The following CERS6 variants were observed in gnomAD, a reference collection of about 807,000 sequenced individuals.
CERS6 encodes ceramide synthase 6.
A neutral mutation model predicts 56.8 loss-of-function variants in CERS6; 26 were observed. The ratio of observed to expected loss-of-function variants is 0.46; its 90% confidence interval spans 0.34 to 0.63. The LOEUF (loss-of-function observed/expected upper bound fraction) is 0.63. CERS6 is among the 30% of genes least tolerant of loss of function. CERS6 has a pLI of 0.01. For missense variants in CERS6, 415 were observed against 467.5 expected (o/e 0.89, Z 1.04); for synonymous variants, 164 against 173.3 (o/e 0.95, Z 0.42).
At chr2:168,717,689 C>T (rs895014196) in intron 7 of CERS6, among the ~76,000 whole-genome samples, 183 bp from the exon 8 acceptor site, 11 of 152,116 alleles carry the variant, frequency 7.2e-5, no homozygotes, top group African/African-American at 1.4e-4. Context: ...ACTCAACTTA[C>T]GGGTAATTTA....
Position 168,456,338 on chromosome 2 carries a change from G to A in CERS6, c.-111G>A. 25 of 597,456 alleles carry A rather than the reference G, an allele frequency of 4.2e-5. No homozygotes were observed. The highest frequency in any genetic ancestry group is 7.4e-5 in the South Asian group (1 of 13,568). 37.0% of individuals were successfully genotyped at this position (597,456 alleles called of 1,614,324 possible). On this transcript the variant is annotated 5_prime_UTR_variant, in exon 1 of 10. Transcript: ENST00000305747. The surrounding 1 kb of genome is among the most constrained non-coding windows in gnomAD (Gnocchi z 4.1). ...GGCGGCGGCGGCGGGCGGGAGCAGC[G>A]GCGGCGGCGGCACAGGCTCGGGGCC...
At chr2:168,644,337 G>A in intron 4 of CERS6, 2 of 985,182 alleles carry the variant, frequency 2.0e-6, no homozygotes, top group South Asian at 9.4e-5. Flanking sequence ...TCTGGAATGT[G>A]GGAAGAGTTG....
chr2:168,708,781 A>C (rs1474232717), intron 6 of CERS6, among the ~76,000 whole-genome samples: 1 of 152,112 alleles, frequency 6.6e-6, no homozygotes, highest in East Asian at 1.9e-4. Flanking sequence ...TGCTCTTCTA[A>C]ATTCCCTTTA....
At chr2:168,766,085 G>A (rs1684723060) in intron 9 of CERS6, among the ~76,000 whole-genome samples, 1 of 152,104 alleles carries the variant, frequency 6.6e-6, no homozygotes, top group African/African-American at 2.4e-5. Flanking sequence ...GAGAAGGGTC[G>A]CTTGGTGCTG....
At chr2:168,688,534 T>C (rs1040310047) in intron 4 of CERS6, among the ~76,000 whole-genome samples, 15 of 152,160 alleles carry the variant, frequency 9.9e-5, no homozygotes, top group African/African-American at 3.1e-4. Context: ...TTCTTATCTA[T>C]AAATTGGGAA....
chr2:168,484,201 G>A (rs1449012857), intron 1 of CERS6, among the ~76,000 whole-genome samples: 1 of 65,502 alleles, frequency 1.5e-5, no homozygotes, highest in African/African-American at 5.8e-5. Flanking sequence ...TTTTTTTTGA[G>A]ACGGAGCTTC....
intron 2 of CERS6, among the ~76,000 whole-genome samples, chr2:168,553,290 A>C (rs1454382536): frequency 6.6e-6 from 1 of 152,208 alleles, no homozygotes; most frequent in African/African-American, 2.4e-5. Context: ...AAAATAAAAC[A>C]ATGAATTAAA....
intron 4 of CERS6, among the ~76,000 whole-genome samples, chr2:168,653,896 G>A (rs1685405169): frequency 6.6e-6 from 1 of 152,052 alleles, no homozygotes; most frequent in South Asian, 2.1e-4. Context: ...GGCCCTTTTT[G>A]GCATCATATT....
intron 1 of CERS6, among the ~76,000 whole-genome samples, chr2:168,466,937 C>T (rs929722637): frequency 6.6e-6 from 1 of 152,218 alleles, no homozygotes; most frequent in Non-Finnish European, 1.5e-5. Context: ...CCATTGTCTA[C>T]ATAAATGTCA....
At chr2:168,494,152 A>G (rs931157358) in intron 1 of CERS6, among the ~76,000 whole-genome samples, 2 of 152,104 alleles carry the variant, frequency 1.3e-5, no homozygotes, top group African/African-American at 4.8e-5. Context: ...CCACTGTGGC[A>G]TTTTGGCAAT....
At chr2:168,522,937 C>T (rs893667938) in intron 1 of CERS6, among the ~76,000 whole-genome samples, 1 of 152,174 alleles carries the variant, frequency 6.6e-6, no homozygotes, top group Non-Finnish European at 1.5e-5. Context: ...GTAGATGAAA[C>T]TCAATTAGAT....
intron 3 of CERS6, among the ~76,000 whole-genome samples, chr2:168,626,688 A>C (rs997023541): frequency 6.6e-5 from 10 of 152,206 alleles, no homozygotes; most frequent in Admixed American, 6.5e-5. Flanking sequence ...CTTTAGAGTC[A>C]CTGCTAGGTT....
chr2:168,460,358 CTAATTTTTTG>C (rs1693757345), intron 1 of CERS6, among the ~76,000 whole-genome samples: 2 of 152,094 alleles, frequency 1.3e-5, no homozygotes, highest in East Asian at 3.9e-4. Context: ...CCAGGCCTAG[CTAATTTTTTG>C]TAATTTTTTG....
intron 4 of CERS6, among the ~76,000 whole-genome samples, chr2:168,636,666 A>G (rs1439752190): frequency 6.6e-6 from 1 of 152,214 alleles, no homozygotes; most frequent in Non-Finnish European, 1.5e-5. Flanking sequence ...TGCAACAAAA[A>G]GATCTTGAAT....
chr2:168,694,736 A>G (rs1487956963), intron 5 of CERS6, among the ~76,000 whole-genome samples: 1 of 152,168 alleles, frequency 6.6e-6, no homozygotes, highest in African/African-American at 2.4e-5. Context: ...TGTTCGTGCT[A>G]ATTAATGCTT....
chr2:168,733,892 G>A (rs1225260998), intron 8 of CERS6, among the ~76,000 whole-genome samples: 5 of 152,104 alleles, frequency 3.3e-5, no homozygotes, highest in African/African-American at 9.7e-5. Flanking sequence ...CCCATTAGGG[G>A]GAAAAATCAG....
At position 168,649,311 on chromosome 2, in the gene CERS6, C is replaced by G. The variant is rs1159672548; in HGVS notation, c.465+18269C>G. Among the ~76,000 whole-genome samples, 3 of 152,180 alleles carry G rather than the reference C, an allele frequency of 2.0e-5. No individual in the cohort carries two copies. The East Asian group carries it at 5.8e-4, about 29-fold the overall frequency. On this transcript the variant is annotated intron_variant, in intron 4 of 9. Coordinates refer to ENST00000305747, the MANE Select transcript of CERS6 (RefSeq NM_203463.3). Reference sequence around the variant, plus strand: ...TTAAGTGACAGAGCTGGCATCAGCCCCAGGTCGTGGGCTTCCTTATCCACA... The same window carrying G: ...TTAAGTGACAGAGCTGGCATCAGCCGCAGGTCGTGGGCTTCCTTATCCACA...
intron 6 of CERS6, among the ~76,000 whole-genome samples, chr2:168,697,393 C>T (rs1427667663): frequency 2.6e-5 from 4 of 152,170 alleles, no homozygotes; most frequent in Admixed American, 1.3e-4. Context: ...CATGAGGGAG[C>T]CTTCTTTGGT....
At chr2:168,680,023 G>T (rs916006749) in intron 4 of CERS6, among the ~76,000 whole-genome samples, 3 of 152,182 alleles carry the variant, frequency 2.0e-5, no homozygotes, top group Non-Finnish European at 4.4e-5. Flanking sequence ...AGTAATTTAC[G>T]AACTACGGCA....
Sources: allele counts gnomAD v4.1 joint callset (sites outside exome capture counted in the v4.1 genomes callset), GRCh38; gene constraint gnomAD v4.1.1; non-coding constraint Gnocchi (gnomAD v3.1); transcripts MANE v1.5; gene names NCBI Gene and HGNC (gene_info 2026-07-23, HGNC 2026-07-21).